ZBED6: variants seen among roughly 807,000 people sequenced by gnomAD.
The protein encoded by ZBED6 is zinc finger BED domain-containing protein 6.
Under a neutral mutation model 58.4 loss-of-function variants are expected in ZBED6, and 40 were observed. The observed-to-expected ratio is 0.68, with a 90% CI of 0.53 to 0.89. The LOEUF (loss-of-function observed/expected upper bound fraction) is 0.89, where lower values mean the gene tolerates loss of function less well. Among genes scored for constraint, ZBED6 ranks in the 40% least tolerant of loss-of-function variants. ZBED6 has a pLI of 0.00. For missense variants in ZBED6, 1,057 were observed against 1,003.9 expected (o/e 1.05, Z -0.71); for synonymous variants, 439 against 350.6 (o/e 1.25, Z -2.82).
intron 11 of ZBED6, 107 bp from the exon 12 acceptor site, chr1:203,847,077 A>T: frequency 1.6e-6 from 2 of 1,221,442 alleles, no homozygotes; most frequent in Non-Finnish European, 2.3e-6. Context: ...TTGCCTGCTT[A>T]AATGATAGCT....
At chr1:203,847,108 C>G (rs554171829) in intron 11 of ZBED6, 76 bp from the exon 12 acceptor site, 1 of 1,509,352 alleles carries the variant, frequency 6.6e-7, no homozygotes, top group African/African-American at 1.4e-5. Context: ...CTGTCTTGAT[C>G]CAAGAATAGA....
intron 10 of ZBED6, among the ~76,000 whole-genome samples, chr1:203,840,065 A>G (rs1464293748): frequency 1.3e-5 from 2 of 151,978 alleles, no homozygotes; most frequent in African/African-American, 2.4e-5. Flanking sequence ...CAGCCTCCCA[A>G]AGTGCTGGGA....
chr1:203,840,823 G>A (rs1045856252), intron 11 of ZBED6, among the ~76,000 whole-genome samples: 2 of 151,812 alleles, frequency 1.3e-5, no homozygotes, highest in Admixed American at 6.6e-5. Context: ...TAGTAGAGAC[G>A]GGGTTTCACC....
chr1:203,832,790 A>T (rs1682818092), intron 8 of ZBED6, among the ~76,000 whole-genome samples: 1 of 152,248 alleles, frequency 6.6e-6, no homozygotes, highest in Non-Finnish European at 1.5e-5. Context: ...TCCTGAGGTG[A>T]TCAGAGATAG....
chr1:203,840,856 A>G (rs958930319), intron 11 of ZBED6, among the ~76,000 whole-genome samples: 2 of 151,144 alleles, frequency 1.3e-5, no homozygotes, highest in Non-Finnish European at 2.9e-5. Context: ...CTGGTCTCAA[A>G]CTCCTGACCT....
At chr1:203,849,217 T>C (rs1688697280) in intron 13 of ZBED6, among the ~76,000 whole-genome samples, 1 of 152,204 alleles carries the variant, frequency 6.6e-6, no homozygotes, top group Non-Finnish European at 1.5e-5. Flanking sequence ...TATGCATGCA[T>C]GTGAATTTGT....
At chr1:203,830,925 A>ATTTTTTTTTTTTTTTTTTTTTTTTTT (rs774771270) in intron 7 of ZBED6, among the ~76,000 whole-genome samples, 1 of 51,352 alleles carries the variant, frequency 1.9e-5, no homozygotes, top group Non-Finnish European at 3.7e-5. Context: ...CCAACCCCCA[A>ATTTTTTTTTTTTTTTTTTTTTTTTTT]TTTTTTTTTT....
chr1:203,821,826 C>T (rs1221095685), intron 3 of ZBED6, among the ~76,000 whole-genome samples: 1 of 151,478 alleles, frequency 6.6e-6, no homozygotes, highest in South Asian at 2.1e-4. Flanking sequence ...GGCGCGATCT[C>T]CGCTCACTGC....
chr1:203,815,019 G>T (rs1458309268), intron 1 of ZBED6: 1 of 151,576 alleles, frequency 6.6e-6, no homozygotes, highest in Non-Finnish European at 1.5e-5. Flanking sequence ...TAGTAGAGAT[G>T]GGGTTTCGCC....
In ZBED6 at chr1:203,840,127, T is replaced by G. The variant is rs529669816; in HGVS notation, c.*3673-179T>G. 3.9e-5 allele frequency among the ~76,000 whole-genome samples: 6 copies of G among 151,922 alleles called. No homozygotes were observed. The East Asian group carries it at 1.2e-3, about 29-fold the overall frequency. ...CTAATTTTTGCAATTTTAGTAGAGA[T>G]GGGGTTTCACCATGTTGGCCAGGCT... On this transcript the variant is annotated intron_variant, in intron 10 of 16. Coordinates refer to ENST00000550078, the Ensembl canonical transcript of ZBED6.
At chr1:203,852,081 G>C (rs1273106870) in intron 16 of ZBED6, 60 bp from the exon 17 acceptor site, 3 of 1,604,466 alleles carry the variant, frequency 1.9e-6, no homozygotes, top group Non-Finnish European at 2.6e-6. Flanking sequence ...CGTGAGACTA[G>C]GTGATTCAGC....
At chr1:203,841,837 C>T (rs1451759935) in intron 11 of ZBED6, among the ~76,000 whole-genome samples, 21 of 143,996 alleles carry the variant, frequency 1.5e-4, no homozygotes, top group Admixed American at 3.4e-4. Context: ...CTCCTCACTT[C>T]GCAGACGGGG....
intron 1 of ZBED6, among the ~76,000 whole-genome samples, chr1:203,809,347 T>C (rs1167486266): frequency 1.3e-5 from 2 of 151,734 alleles, no homozygotes. Context: ...GGCTAATTTT[T>C]TATATTTTTA....
At chr1:203,802,686 A>G (rs1197172298) in exon 1 of ZBED6, 2 of 149,500 alleles carry the variant, frequency 1.3e-5, no homozygotes, top group East Asian at 3.9e-4. Flanking sequence ...ATGATCCTTT[A>G]ACTCTCAAGT....
intron 15 of ZBED6, 113 bp downstream of exon 15, chr1:203,850,794 C>CTAA: frequency 1.4e-6 from 2 of 1,421,548 alleles, no homozygotes. Context: ...CATTTCCTAG[C>CTAA]ATTTTAGTAA....
At chr1:203,796,155 C>T (rs989772618) in exon 1 of ZBED6, 1 of 311,128 alleles carries the variant, frequency 3.2e-6, no homozygotes, top group Non-Finnish European at 5.8e-6. Flanking sequence ...CGACTGTTCC[C>T]CCGAATCCCG....
intron 1 of ZBED6, among the ~76,000 whole-genome samples, chr1:203,816,324 A>G (rs1187412477): frequency 6.6e-6 from 1 of 152,124 alleles, no homozygotes; most frequent in African/African-American, 2.4e-5. Flanking sequence ...ATATATACAT[A>G]TATGTATAAT....
chr1:203,837,953 T>A lies in ZBED6; in HGVS notation c.*3574-13T>A, dbSNP rs775039575. On this transcript the variant is annotated splice_polypyrimidine_tract_variant and intron_variant, in intron 9 of 16. Transcript: ENST00000550078. ...TGACTTGAAATCTTAAACTAAGTTC[T>A]CCCTCTTTATAGGCGGTGACAGTGA... is the stretch of plus-strand genomic sequence containing the variant. 12 of 1,602,902 alleles carry A rather than the reference T, an allele frequency of 7.5e-6. No homozygotes were observed. Among genetic ancestry groups the A allele is most frequent in the Non-Finnish European group, 9.3e-6 (11 of 1,176,964 alleles).
chr1:203,799,794 A>G, exon 1 of ZBED6: 3 of 1,216,830 alleles, frequency 2.5e-6, no homozygotes, highest in Non-Finnish European at 3.5e-6. Context: ...ACTAAGTGCC[A>G]TGCTTAAATC....
Sources: gnomAD v4.1 joint callset for allele counts (sites outside exome capture counted in the v4.1 genomes callset) on GRCh38, gnomAD v4.1.1 for gene constraint, MANE v1.5 for transcripts, NCBI Gene and HGNC (gene_info 2026-07-23, HGNC 2026-07-21) for gene names.